HDAC7: variants seen among roughly 807,000 people sequenced by gnomAD.
HDAC7 encodes the protein histone deacetylase 7.
A neutral mutation model predicts 115.5 loss-of-function variants in HDAC7; 26 were observed. That is an observed-to-expected ratio of 0.23 (90% CI 0.16 to 0.31). The LOEUF is 0.31. Among genes scored for constraint, HDAC7 ranks in the 10% least tolerant of loss-of-function variants. HDAC7 has a pLI of 1.00. For missense variants in HDAC7, 1,068 were observed against 1,329.0 expected (o/e 0.80, Z 3.05); for synonymous variants, 564 against 550.9 (o/e 1.02, Z -0.33).
At chr12:47,790,168 G>A (rs868501838) in intron 16 of HDAC7, 24 of 516,622 alleles carry the variant, frequency 4.6e-5, no homozygotes, top group East Asian at 6.6e-5. Flanking sequence ...GCAGCATCAC[G>A]CCTGCCTCCC....
intron 7 of HDAC7, 105 bp from the exon 8 acceptor site, chr12:47,796,403 C>G: frequency 1.5e-6 from 1 of 684,986 alleles, no homozygotes; most frequent in Non-Finnish European, 2.5e-6. Context: ...CCTTCCTTAA[C>G]GAGCACCTTT....
intron 1 of HDAC7, among the ~76,000 whole-genome samples, chr12:47,818,269 G>A (rs1271855895): frequency 6.6e-6 from 1 of 152,184 alleles, no homozygotes; most frequent in Non-Finnish European, 1.5e-5. Context: ...CTCTGAGCTT[G>A]CCTCTGAGCC....
In HDAC7 at chr12:47,798,980, CAG is replaced by C. The variant is rs768003230; in HGVS notation, c.71-10_71-9del. ...CACAGGGCCTGGGGCAGCCTAGGGA[CAG>C]AGAGAGGGAGCAGGGTAAACTGGAA... On this transcript the variant is annotated splice_polypyrimidine_tract_variant and intron_variant, in intron 2 of 25. Transcript: ENST00000080059. The surrounding 1 kb of genome is among the most constrained non-coding windows in gnomAD (Gnocchi z 4.3). 4 of 1,484,560 alleles carry C rather than the reference CAG, an allele frequency of 2.7e-6. No individual in the cohort carries two copies. Among genetic ancestry groups the C allele is most frequent in the South Asian group, 2.7e-5 (2 of 73,278 alleles). The allele number at this position is 1,484,560 out of a possible 1,614,324, so 92.0% of individuals were successfully genotyped here.
chr12:47,791,494 G>A (rs1436074783), intron 15 of HDAC7, 92 bp downstream of exon 15: 2 of 1,503,288 alleles, frequency 1.3e-6, no homozygotes, highest in African/African-American at 2.8e-5. Context: ...GGTGCAGGAG[G>A]AGGCTGGCTG....
intron 2 of HDAC7, among the ~76,000 whole-genome samples, chr12:47,799,941 C>G (rs1486257533): frequency 6.6e-6 from 1 of 152,138 alleles, no homozygotes; most frequent in Non-Finnish European, 1.5e-5. Flanking sequence ...AGTGGAGAAG[C>G]CTTCCTGGAG....
At chr12:47,786,966 G>A (rs761954991) in intron 21 of HDAC7, among the ~76,000 whole-genome samples, 1 of 152,222 alleles carries the variant, frequency 6.6e-6, no homozygotes, top group Non-Finnish European at 1.5e-5. Flanking sequence ...GGGAATGAAA[G>A]AGGAGTGTGT....
At chr12:47,792,585 G>A in intron 13 of HDAC7, 2 of 453,544 alleles carry the variant, frequency 4.4e-6, no homozygotes, top group Admixed American at 2.4e-5. Flanking sequence ...GGGTGGGAGG[G>A]TCAATTTCTG....
intron 1 of HDAC7, among the ~76,000 whole-genome samples, chr12:47,816,049 C>T (rs1944840442): frequency 6.6e-6 from 1 of 151,936 alleles, no homozygotes; most frequent in South Asian, 2.1e-4. Flanking sequence ...GCACGCCACA[C>T]CTGGCTAATT....
chr12:47,791,031 G>GA (rs1265076989), intron 16 of HDAC7: 1 of 578,586 alleles, frequency 1.7e-6, no homozygotes. Flanking sequence ...ACACCTTCTA[G>GA]GGGAAGGCTT....
chr12:47,792,376 C>T (rs1943578292), intron 13 of HDAC7: 3 of 366,818 alleles, frequency 8.2e-6, no homozygotes, highest in Non-Finnish European at 1.6e-5. Flanking sequence ...TAACGTACAG[C>T]ATCTCACACA....
chr12:47,791,431 G>A, intron 15 of HDAC7, 123 bp from the exon 16 acceptor site: 1 of 1,366,310 alleles, frequency 7.3e-7, no homozygotes, highest in South Asian at 1.4e-5. Flanking sequence ...GAAGGGAGAG[G>A]TGGAGGTGGG....
rs562928225 is a variant in HDAC7 at position 47,795,575 on chromosome 12, C to T, written c.1087+12G>A. 4 of 1,555,522 alleles carry T rather than the reference C, an allele frequency of 2.6e-6. No homozygotes were observed. In the Admixed American group the frequency reaches 5.8e-5, roughly 23 times the overall value. ...GGACCCAGCCCCTTCCCTGAAGAAG[C>T]AGCAGACTCACCAGTCAGCAGCGGG... is the stretch of plus-strand genomic sequence containing the variant. On this transcript the variant is annotated intron_variant, in intron 10 of 25. Coordinates refer to ENST00000080059, the MANE Select transcript of HDAC7 (RefSeq NM_015401.5). This position sits in a 1 kb window ranked among gnomAD's most constrained non-coding sequence, Gnocchi z 4.3.
rs375306707 is a variant in HDAC7 at position 47,797,172 on chromosome 12, C to A, written c.578-30G>T. 6.4e-7 allele frequency: 1 copy of A among 1,565,444 alleles called. No homozygotes were observed. Among genetic ancestry groups the A allele is most frequent in the South Asian group, 1.2e-5 (1 of 83,792 alleles). ...AGGGAGCACCAGCGTCACTCAGGCC[C>A]CCACCACCCTTCTTTTTTCCACCCT... On this transcript the variant is annotated intron_variant, in intron 6 of 25. Transcript: ENST00000080059. The surrounding 1 kb of genome is among the most constrained non-coding windows in gnomAD (Gnocchi z 5.5).
intron 19 of HDAC7, chr12:47,788,582 C>G (rs1421599329): frequency 6.4e-6 from 1 of 155,880 alleles, no homozygotes; most frequent in African/African-American, 2.4e-5. Context: ...GTACACGAGG[C>G]CCAGCCCCAT....
intron 1 of HDAC7, among the ~76,000 whole-genome samples, chr12:47,818,558 C>T (rs1944914530): frequency 6.6e-6 from 1 of 152,216 alleles, no homozygotes; most frequent in Admixed American, 6.5e-5. Context: ...AGTCTCCTGC[C>T]AGCCCTATAG....
rs762289669 is a variant in HDAC7 at position 47,795,918 on chromosome 12, G to A, written c.894C>T (p.Pro298=). 2.1e-5 allele frequency: 32 copies of A among 1,549,604 alleles called. No homozygotes were observed. Among genetic ancestry groups the A allele is most frequent in the Middle Eastern group, 1.7e-4 (1 of 6,012 alleles). The change falls in exon 9 of 26, where the codon CCC becomes CCT. Residue 298 remains proline (P), a synonymous_variant. Coordinates refer to ENST00000080059, the MANE Select transcript of HDAC7 (RefSeq NM_015401.5). The surrounding 1 kb of genome is among the most constrained non-coding windows in gnomAD (Gnocchi z 4.3). The part of the protein sequence containing the change: ...SLLPAITLGL[P]APARADSDRR... ...CCCAGCCACTCACCCTGGCAGGGGC[G>A]GGCAGCCCCAGAGTGATTGCGGGCA...
intron 24 of HDAC7, 78 bp downstream of exon 24, chr12:47,785,309 G>A (rs1281753701): frequency 8.0e-7 from 1 of 1,255,346 alleles, no homozygotes; most frequent in Admixed American, 2.3e-5. Flanking sequence ...GGAAGCCCTA[G>A]GATCTGGCCA....
intron 1 of HDAC7, among the ~76,000 whole-genome samples, chr12:47,806,129 T>C (rs1052807613): frequency 6.6e-6 from 1 of 152,260 alleles, no homozygotes; most frequent in Non-Finnish European, 1.5e-5. Flanking sequence ...TGCTCATTGA[T>C]TGGCACTGAA....
intron 1 of HDAC7, among the ~76,000 whole-genome samples, chr12:47,806,130 T>A (rs1209000667): frequency 6.6e-6 from 1 of 152,246 alleles, no homozygotes; most frequent in Non-Finnish European, 1.5e-5. Context: ...GCTCATTGAT[T>A]GGCACTGAAT....
Sources: allele counts gnomAD v4.1 joint callset (sites outside exome capture counted in the v4.1 genomes callset), GRCh38; gene constraint gnomAD v4.1.1; non-coding constraint Gnocchi (gnomAD v3.1); transcripts MANE v1.5; gene names NCBI Gene and HGNC (gene_info 2026-07-23, HGNC 2026-07-21).